Variants in SESTD1 observed in about 807,000 individuals in gnomAD.
SESTD1 encodes SEC14 and spectrin domain containing 1, also known as SEC14 domain and spectrin repeat-containing protein 1.
Under a neutral mutation model 101.7 loss-of-function variants are expected in SESTD1, and 43 were observed. The observed-to-expected ratio is 0.42, with a 90% CI of 0.33 to 0.55. The LOEUF is 0.55. Among genes scored for constraint, SESTD1 ranks in the 20% least tolerant of loss-of-function variants. The pLI is 0.07. For synonymous variants in SESTD1, 283 were observed against 286.8 expected (o/e 0.99, Z 0.13); for missense variants, 647 against 815.1 (o/e 0.79, Z 2.51).
intron 16 of SESTD1, 50 bp downstream of exon 16, chr2:179,115,013 AAC>A: frequency 6.8e-7 from 1 of 1,459,966 alleles, no homozygotes; most frequent in Non-Finnish European, 9.4e-7. Context: ...ACATATTTTA[AAC>A]ACATATAATC....
At chr2:179,123,678 A>AC in intron 12 of SESTD1, 37 bp downstream of exon 12, 2 of 1,473,724 alleles carry the variant, frequency 1.4e-6, no homozygotes, top group South Asian at 1.2e-5. Flanking sequence ...TAAAAAAAAA[A>AC]AAACCTTATG....
intron 1 of SESTD1, among the ~76,000 whole-genome samples, chr2:179,224,173 C>T (rs948057521): frequency 2.6e-5 from 4 of 152,266 alleles, no homozygotes; most frequent in African/African-American, 9.6e-5. Context: ...TTTCCTCACA[C>T]CTCCAAATAA....
rs775269877 is a variant in SESTD1, at chr2:179,212,130, T to C, written c.-25-20264A>G. ...ATTTCCAACTGAGGTACCTGGTTCA[T>C]CTCACTGGGACTGGCTGGACAGTCA... On this transcript the variant is annotated intron_variant, in intron 1 of 17. Transcript: ENST00000428443. 2.2e-5 allele frequency among the ~76,000 whole-genome samples: 3 copies of C among 134,978 alleles called. 1 individual carries two copies. The highest frequency in any genetic ancestry group is 1.4e-4 in the Admixed American group (2 of 13,944). The allele number at this position is 134,978 out of a possible 152,430, so 88.6% of individuals were successfully genotyped here. A position where few individuals can be genotyped will look rare whatever the true frequency, so the allele number is the denominator to read the frequency against.
chr2:179,185,648 C>CAATATAT (rs1559134131), intron 2 of SESTD1, among the ~76,000 whole-genome samples: 19 of 75,628 alleles, frequency 2.5e-4, no homozygotes, highest in Admixed American at 7.4e-4. Context: ...ATATTATATA[C>CAATATAT]AATATAGCAT....
At position 179,203,884 on chromosome 2, in the gene SESTD1, T is replaced by C. The variant is rs1318294792; in HGVS notation, c.-25-12018A>G. On this transcript the variant is annotated intron_variant, in intron 1 of 17. Transcript: ENST00000428443. Reference sequence around the variant, plus strand: ...AGAGTTGAGTCCAGCCTGGGCAACATAGCAAGATCCCTGTCTATAAAAAAT... The same window carrying C: ...AGAGTTGAGTCCAGCCTGGGCAACACAGCAAGATCCCTGTCTATAAAAAAT... Among the ~76,000 whole-genome samples the C allele has an allele frequency of 6.7e-5, 9 of 133,830 alleles. 3 individuals are homozygous for C. Among genetic ancestry groups the C allele is most frequent in the Non-Finnish European group, 1.1e-4 (7 of 62,516 alleles). 87.8% of individuals were successfully genotyped at this position (133,830 alleles called of 152,430 possible).
rs187220623 is a variant in SESTD1 at position 179,146,434 on chromosome 2, G to A, written c.605C>T (p.Pro202Leu). Residue 202 changes from proline to leucine, a missense_variant, in exon 8 of 18, where the codon CCA becomes CTA. By Grantham distance (98) the Pro-to-Leu change is moderately conservative. This residue lies in a region of SESTD1 where 168 missense variants were observed against 235.1 expected (regional missense o/e 0.71). Transcript: ENST00000428443. The stretch of plus-strand genomic sequence containing the variant: ...AAGAACTGTTTCAGGATCAACCGAT[G>A]GAAGAAAGTTTAAATCCACAGACCT... ...KERSVDLNFL[P>L]SVDPETVLQT... 9.3e-6 allele frequency: 15 copies of A among 1,612,918 alleles called. No homozygotes were observed. Among genetic ancestry groups the A allele is most frequent in the East Asian group, 8.9e-5 (4 of 44,774 alleles).
At chr2:179,181,205 A>AACTCT (rs1330835854) in intron 3 of SESTD1, among the ~76,000 whole-genome samples, 27 of 152,184 alleles carry the variant, frequency 1.8e-4, no homozygotes, top group Non-Finnish European at 2.6e-4. Context: ...TATCCACGCC[A>AACTCT]GAGTGAACAT....
chr2:179,198,630 T>C (rs1574029615), intron 1 of SESTD1, among the ~76,000 whole-genome samples: 1 of 151,658 alleles, frequency 6.6e-6, no homozygotes, highest in East Asian at 1.9e-4. Flanking sequence ...GCAATCAAAC[T>C]AGAACTCAGG....
At chr2:179,228,916 A>T (rs1559152660) in intron 1 of SESTD1, among the ~76,000 whole-genome samples, 1 of 152,142 alleles carries the variant, frequency 6.6e-6, no homozygotes, top group Non-Finnish European at 1.5e-5. Flanking sequence ...GCAAACACAA[A>T]GTGGGGGCTG....
At chr2:179,225,840 C>T (rs1332578642) in intron 1 of SESTD1, among the ~76,000 whole-genome samples, 3 of 152,144 alleles carry the variant, frequency 2.0e-5, no homozygotes, top group South Asian at 2.1e-4. Flanking sequence ...CAATCACCTC[C>T]GAAAGGCTAT....
rs945677533 is a variant in SESTD1 at position 179,208,087 on chromosome 2, A to C, written c.-25-16221T>G. ...CTTAGAGAAATGCAAAATACACTGG[A>C]AAGTTCCAACAATAGAATTGAACAA... On this transcript the variant is annotated intron_variant, in intron 1 of 17. Transcript: ENST00000428443. Among the ~76,000 whole-genome samples, 3 of 135,116 alleles carry C rather than the reference A, an allele frequency of 2.2e-5. 1 individual carries two copies. The highest frequency in any genetic ancestry group is 1.4e-4 in the Admixed American group (2 of 13,834). 88.6% of individuals were successfully genotyped at this position (135,116 alleles called of 152,430 possible).
intron 1 of SESTD1, among the ~76,000 whole-genome samples, chr2:179,242,773 T>G (rs899385078): frequency 6.6e-6 from 1 of 152,206 alleles, no homozygotes; most frequent in Non-Finnish European, 1.5e-5. Flanking sequence ...AACCGGACAG[T>G]ACCTTTTACC....
At chr2:179,259,341 C>G (rs1356179932) in intron 1 of SESTD1, among the ~76,000 whole-genome samples, 1 of 152,128 alleles carries the variant, frequency 6.6e-6, no homozygotes, top group African/African-American at 2.4e-5. Flanking sequence ...AAGCAATTCT[C>G]TGCCTCAGCC....
At chr2:179,120,046 T>C (rs927930702) in intron 13 of SESTD1, among the ~76,000 whole-genome samples, 5 of 151,968 alleles carry the variant, frequency 3.3e-5, no homozygotes, top group African/African-American at 9.7e-5. Context: ...CTGGCTGACA[T>C]GGTGAAACAC....
chr2:179,185,190 C>T (rs1163289330), intron 2 of SESTD1, among the ~76,000 whole-genome samples: 1 of 151,604 alleles, frequency 6.6e-6, no homozygotes, highest in Non-Finnish European at 1.5e-5. Flanking sequence ...ACCACTTCTA[C>T]TCATAAAAAT....
At chr2:179,251,225 A>C (rs188791433) in intron 1 of SESTD1, among the ~76,000 whole-genome samples, 1 of 152,322 alleles carries the variant, frequency 6.6e-6, no homozygotes, top group Admixed American at 6.5e-5. Context: ...AAAACTATAG[A>C]AATTGGAGAA....
chr2:179,125,320 G>A (rs1442564896), intron 10 of SESTD1, among the ~76,000 whole-genome samples: 1 of 152,094 alleles, frequency 6.6e-6, no homozygotes, highest in African/African-American at 2.4e-5. Flanking sequence ...TCCAGCACAT[G>A]AGAACCTCTG....
At chr2:179,238,388 G>T (rs1208697334) in intron 1 of SESTD1, among the ~76,000 whole-genome samples, 1 of 152,110 alleles carries the variant, frequency 6.6e-6, no homozygotes, top group African/African-American at 2.4e-5. Context: ...CATGGCCTTA[G>T]AAATCCTGTC....
At chr2:179,204,821 C>G (rs1238693401) in intron 1 of SESTD1, among the ~76,000 whole-genome samples, 1 of 133,620 alleles carries the variant, frequency 7.5e-6, no homozygotes, top group Non-Finnish European at 1.6e-5. Flanking sequence ...ACCTCAGGGA[C>G]TCCTGAAAGC....
Sources: allele counts gnomAD v4.1 joint callset (sites outside exome capture counted in the v4.1 genomes callset), GRCh38; gene constraint gnomAD v4.1.1; regional missense constraint gnomAD v4.1.1; transcripts MANE v1.5; gene names NCBI Gene and HGNC (gene_info 2026-07-23, HGNC 2026-07-21).